Variants in CCDC73 observed in about 807,000 individuals in gnomAD.
CCDC73 encodes coiled-coil domain containing 73.
In CCDC73, 95 loss-of-function variants were observed where a neutral mutation model predicts 116.5. That is an observed-to-expected ratio of 0.82 (90% CI 0.69 to 0.97). CCDC73 has a LOEUF of 0.97. Ranked by LOEUF, CCDC73 falls within the 50% of genes least tolerant of loss-of-function variation. CCDC73 has a pLI of 0.00. For missense variants in CCDC73, 1,066 were observed against 1,206.8 expected, an observed-to-expected ratio of 0.88 and a Z score of 1.73; for synonymous variants, 398 against 401.3, an observed-to-expected ratio of 0.99 and a Z score of 0.10.
chr11:32,734,987 T>A, intron 2 of CCDC73, among the ~76,000 whole-genome samples: 1 of 152,134 alleles, frequency 6.6e-6, no homozygotes, highest in East Asian at 1.9e-4. Context: ...TGCTAAAAAC[T>A]CTCAATAAAT....
the CCDC73 span, among the ~76,000 whole-genome samples, chr11:32,804,280 A>G: frequency 1.3e-5 from 2 of 152,180 alleles, no homozygotes; most frequent in Admixed American, 6.5e-5. Flanking sequence ...CTGGGACTAC[A>G]GGCGCACACC....
At chr11:32,605,451 C>A (rs901483920) in intron 17 of CCDC73, 5 of 152,028 alleles carry the variant, frequency 3.3e-5, no homozygotes, top group Middle Eastern at 3.2e-3. Context: ...CTTTTAGTTC[C>A]CAGATGCTAT....
intron 12 of CCDC73, 61 bp downstream of exon 12, chr11:32,653,058 GTTAA>G (rs1459356534): frequency 2.2e-6 from 2 of 927,812 alleles, no homozygotes; most frequent in East Asian, 2.5e-5. Context: ...TAAACAGGAA[GTTAA>G]TTAGTGAAAA....
chr11:32,753,951 C>T (rs546208734), intron 2 of CCDC73, among the ~76,000 whole-genome samples: 9 of 152,084 alleles, frequency 5.9e-5, no homozygotes, highest in Non-Finnish European at 1.2e-4. Context: ...TATGAATGCT[C>T]CTAATACCAC....
intron 2 of CCDC73, among the ~76,000 whole-genome samples, chr11:32,743,796 G>A (rs1422852730): frequency 6.6e-6 from 1 of 152,194 alleles, no homozygotes; most frequent in African/African-American, 2.4e-5. Context: ...ATCAGCTTAA[G>A]GAGATTTGGG....
At chr11:32,797,453 G>A (rs1850734947), upstream of CCDC73, among the ~76,000 whole-genome samples, 1 of 152,028 alleles carries the variant, frequency 6.6e-6, no homozygotes, top group African/African-American at 2.4e-5. Context: ...ACTGTCTCTA[G>A]GCCTATCTAA....
intron 9 of CCDC73, among the ~76,000 whole-genome samples, chr11:32,657,657 A>C (rs573091734): frequency 1.1e-4 from 16 of 151,960 alleles, no homozygotes; most frequent in Non-Finnish European, 2.4e-4. Context: ...TAGGCTATAA[A>C]GAGAAAGAGA....
chr11:32,806,792 A>C, the CCDC73 span, among the ~76,000 whole-genome samples: 1 of 152,324 alleles, frequency 6.6e-6, no homozygotes, highest in Admixed American at 6.5e-5. Flanking sequence ...AAAGGCCGGC[A>C]CAGTTAAGAA....
In CCDC73 at chr11:32,737,617, C is replaced by CAAAA. The variant is rs35749199; in HGVS notation, c.136-19474_136-19471dup. Among the ~76,000 whole-genome samples, 27 of 118,920 alleles carry CAAAA rather than the reference C, an allele frequency of 2.3e-4. 1 individual carries two copies. The highest frequency in any genetic ancestry group is 3.5e-4 in the Non-Finnish European group (19 of 54,564). The allele number at this position is 118,920 out of a possible 152,430, so 78.0% of individuals were successfully genotyped here. The stretch of plus-strand genomic sequence containing the variant: ...TGGGCAACAGAGCAAGACTGTGTCT[C>CAAAA]AAAAAAAAAAAAAAAAATCACATCA... On this transcript the variant is annotated intron_variant, in intron 2 of 17. Transcript: ENST00000335185.
chr11:32,746,734 T>C (rs1473660603), intron 2 of CCDC73, among the ~76,000 whole-genome samples: 1 of 152,212 alleles, frequency 6.6e-6, no homozygotes, highest in African/African-American at 2.4e-5. Context: ...CTCAAGCTTG[T>C]GTATGCTTCA....
chr11:32,658,612 G>C (rs545143186), intron 9 of CCDC73, among the ~76,000 whole-genome samples: 2 of 152,274 alleles, frequency 1.3e-5, no homozygotes, highest in African/African-American at 4.8e-5. Context: ...CTGTGTGTCA[G>C]GCACATAGAA....
intron 1 of CCDC73, among the ~76,000 whole-genome samples, chr11:32,776,986 CATGTATATATAT>C (rs1444782433): frequency 9.6e-4 from 92 of 95,762 alleles, no homozygotes; most frequent in South Asian, 3.3e-3. Flanking sequence ...TATATATACA[CATGTATATATAT>C]ATATATATAT....
chr11:32,789,107 G>A (rs112728930), intron 1 of CCDC73, among the ~76,000 whole-genome samples: 1,574 of 152,118 alleles, frequency 0.01, 26 homozygotes, highest in African/African-American at 0.036. Flanking sequence ...ATTAACCTAT[G>A]GAGATGAGAT....
At chr11:32,812,860 AC>A in the CCDC73 span, among the ~76,000 whole-genome samples, 1 of 152,104 alleles carries the variant, frequency 6.6e-6, no homozygotes, top group African/African-American at 2.4e-5. Context: ...GAAAAAAAAT[AC>A]CAAACTGTAA....
intron 7 of CCDC73, 27 bp from the exon 8 acceptor site, chr11:32,676,048 T>C: frequency 6.4e-7 from 1 of 1,562,636 alleles, no homozygotes; most frequent in Non-Finnish European, 8.6e-7. Context: ...TTTTAAATGT[T>C]ATACATATAA....
chr11:32,719,263 G>A (rs1020510594), intron 2 of CCDC73, among the ~76,000 whole-genome samples: 4 of 152,202 alleles, frequency 2.6e-5, no homozygotes, highest in African/African-American at 9.6e-5. Context: ...AACAGGCAGA[G>A]TTGAAAACTG....
At chr11:32,815,172 A>G in the CCDC73 span, among the ~76,000 whole-genome samples, 1 of 152,216 alleles carries the variant, frequency 6.6e-6, no homozygotes, top group South Asian at 2.1e-4. Flanking sequence ...AAAAAGATGA[A>G]TTTTATAGCA....
chr11:32,816,054 G>A, the CCDC73 span, among the ~76,000 whole-genome samples: 1 of 152,154 alleles, frequency 6.6e-6, no homozygotes, highest in East Asian at 1.9e-4. Context: ...CTAAGCTTCT[G>A]ACTTTAGTAA....
chr11:32,763,244 G>A (rs1850408329), intron 1 of CCDC73, among the ~76,000 whole-genome samples: 1 of 152,234 alleles, frequency 6.6e-6, no homozygotes, highest in Admixed American at 6.5e-5. Context: ...GCTTTGAAGA[G>A]AGTAGTGGTT....
Sources: gnomAD v4.1 joint callset for allele counts (sites outside exome capture counted in the v4.1 genomes callset) on GRCh38, gnomAD v4.1.1 for gene constraint, MANE v1.5 for transcripts, NCBI Gene and HGNC (gene_info 2026-07-23, HGNC 2026-07-21) for gene names.